The following MYO19 variants were observed in gnomAD, a reference collection of about 807,000 sequenced individuals.
MYO19 encodes the protein myosin XIX.
A neutral mutation model predicts 129.2 loss-of-function variants in MYO19; 132 were observed. The ratio of observed to expected loss-of-function variants is 1.02; its 90% CI spans 0.89 to 1.18. The LOEUF (loss-of-function observed/expected upper bound fraction) is 1.18. MYO19 is among the 50% of genes most tolerant of loss of function. The probability of loss-of-function intolerance (pLI) is 0.00; values close to 1 mark genes in which losing one functional copy is unlikely to be tolerated. For synonymous variants in MYO19, 531 were observed against 477.2 expected (o/e 1.11, Z -1.47); for missense variants, 1,210 against 1,216.7 (o/e 0.99, Z 0.08).
upstream of MYO19, chr17:36,538,237 C>A (rs1183657483): frequency 1.6e-5 from 26 of 1,613,078 alleles, no homozygotes; most frequent in Non-Finnish European, 2.2e-5. Flanking sequence ...TGGATAGTTG[C>A]TTCTAGCCTG....
intron 5 of MYO19, 47 bp downstream of exon 5, chr17:36,527,504 C>A: frequency 6.3e-7 from 1 of 1,588,702 alleles, no homozygotes; most frequent in Non-Finnish European, 8.6e-7. Context: ...AGAGGTTTAG[C>A]GGGAGGTAGA....
intron 19 of MYO19, chr17:36,505,062 A>T: frequency 1.4e-6 from 1 of 736,680 alleles, no homozygotes; most frequent in South Asian, 1.4e-5. Flanking sequence ...ACATGGCTCA[A>T]AAAAACAAGA....
chr17:36,542,374 A>G (rs1409796736), intron 1 of MYO19: 1 of 152,136 alleles, frequency 6.6e-6, no homozygotes, highest in Non-Finnish European at 1.5e-5. Context: ...GTCATTTTTA[A>G]TGTTCTTTAC....
rs2071784661 is a variant in MYO19 at position 36,505,074 on chromosome 17, G to A, written c.1905+223C>T. ...GGTACATGGCTCAAAAAAACAAGAT[G>A]CACTGGAACTTGCCTCCCTGGCTAG... On this transcript the variant is annotated intron_variant, in intron 19 of 25. Coordinates refer to ENST00000614623, the MANE Select transcript of MYO19 (RefSeq NM_001163735.2). The A allele has an allele frequency of 1.1e-5, 8 of 743,882 alleles. No individual in the cohort carries two copies. The East Asian group carries it at 2.0e-4, about 19-fold the overall frequency. 46.1% of individuals were successfully genotyped at this position (743,882 alleles called of 1,614,324 possible). A position where few individuals can be genotyped will look rare whatever the true frequency, so the allele number is the denominator to read the frequency against.
chr17:36,530,451 C>CTTTT (rs11292870), intron 3 of MYO19, among the ~76,000 whole-genome samples: 63 of 94,846 alleles, frequency 6.6e-4, no homozygotes, highest in East Asian at 3.9e-3. Flanking sequence ...CTAAAAGTGG[C>CTTTT]TTTTTTTTTT....
chr17:36,528,954 T>G (rs2073662594), intron 3 of MYO19, among the ~76,000 whole-genome samples: 1 of 152,158 alleles, frequency 6.6e-6, no homozygotes, highest in Non-Finnish European at 1.5e-5. Flanking sequence ...ACAGTTCAGC[T>G]TTTGATGTAA....
upstream of MYO19, chr17:36,537,143 C>T: frequency 6.2e-7 from 1 of 1,611,082 alleles, no homozygotes; most frequent in Non-Finnish European, 8.5e-7. Context: ...TCAGTAACCT[C>T]AATGGAACCA....
At position 36,528,198 on chromosome 17, in the gene MYO19, T is replaced by C. The variant is rs61738887; in HGVS notation, c.17A>G (p.Asn6Ser). ...GCCATCAGACCCCGGATTGTGGCCATTGACCTGGAAGAGATAACGTGAAGG... is the reference window on the plus strand; with the variant it reads ...GCCATCAGACCCCGGATTGTGGCCACTGACCTGGAAGAGATAACGTGAAGG... MLQQV[N>S]GHNPGSDGQA... The change falls in exon 4 of 26, where the codon AAT (asparagine) becomes AGT (serine). Residue 6 changes from asparagine (N) to serine (S), a missense_variant. Asn to Ser is a conservative substitution (Grantham distance 46). Coordinates refer to ENST00000614623, the MANE Select transcript of MYO19 (RefSeq NM_001163735.2). The C allele has an allele frequency of 0.042, 66,904 of 1,576,072 alleles. 1,993 individuals carry two copies. Among genetic ancestry groups the C allele is most frequent in the African/African-American group, 0.11 (7,999 of 74,124 alleles).
upstream of MYO19, chr17:36,538,123 GTTTTC>G (rs777891950): frequency 2.5e-6 from 4 of 1,614,028 alleles, no homozygotes; most frequent in Non-Finnish European, 8.5e-7. Context: ...AAAGTAGCCT[GTTTTC>G]TTTTACTGGC....
chr17:36,500,210 G>A (rs901556492), intron 23 of MYO19: 3 of 152,168 alleles, frequency 2.0e-5, no homozygotes, highest in Admixed American at 1.3e-4. Context: ...CTTAAAAGGA[G>A]GGCATCGCCC....
chr17:36,522,921 G>A (rs748984498), intron 6 of MYO19, among the ~76,000 whole-genome samples: 9 of 151,562 alleles, frequency 5.9e-5, no homozygotes, highest in Non-Finnish European at 1.2e-4. Context: ...CAGGAGAATG[G>A]TGTGAACCCG....
At position 36,500,858 on chromosome 17, in the gene MYO19, C is replaced by G. The variant is rs747684117; in HGVS notation, c.2349G>C (p.Gln783His). 1.6e-5 allele frequency: 25 copies of G among 1,604,190 alleles called. No individual in the cohort carries two copies. The highest frequency in any genetic ancestry group is 3.4e-6 in the Non-Finnish European group (4 of 1,179,108). The change falls in exon 23 of 26, where the codon CAG becomes CAC. Residue 783 changes from glutamine to histidine, a missense_variant. Transcript: ENST00000614623. Reference sequence around the variant, plus strand: ...CCTGGATGAGCATGACGGCCCGCCACTGCCGCTCCTGCTCTCGGTGCCGGT... The same window carrying G: ...CCTGGATGAGCATGACGGCCCGCCAGTGCCGCTCCTGCTCTCGGTGCCGGT... ...RRHRHREQERQWRAVMLIQAA... is the reference protein window; with the variant it reads ...RRHRHREQERHWRAVMLIQAA...
intron 6 of MYO19, among the ~76,000 whole-genome samples, chr17:36,522,028 T>TGCAAAAAAA (rs1567777190): frequency 8.7e-6 from 1 of 115,296 alleles, no homozygotes. Flanking sequence ...AGACTGTCTT[T>TGCAAAAAAA]AAAAAAAAAA....
At chr17:36,512,914 T>C in intron 11 of MYO19, 4 of 950,518 alleles carry the variant, frequency 4.2e-6, no homozygotes, top group Non-Finnish European at 5.5e-6. Context: ...GGGGCACGGG[T>C]TGGGGGAAGA....
intron 3 of MYO19, among the ~76,000 whole-genome samples, chr17:36,531,596 A>G (rs1339260845): frequency 2.6e-5 from 4 of 151,660 alleles, no homozygotes; most frequent in Non-Finnish European, 5.9e-5. Context: ...TTTTTTTAAT[A>G]AGAGAAAAAA....
At chr17:36,498,101 T>TAATCC (rs2069632029) in intron 25 of MYO19, 165 bp downstream of exon 25, 4 of 665,436 alleles carry the variant, frequency 6.0e-6, no homozygotes, top group Non-Finnish European at 9.7e-6. Flanking sequence ...ACAAAATAAA[T>TAATCC]AATCCAAACC....
intron 5 of MYO19, 131 bp from the exon 6 acceptor site, chr17:36,525,472 G>C (rs1022555800): frequency 2.2e-5 from 15 of 678,564 alleles, no homozygotes; most frequent in Non-Finnish European, 3.4e-5. Flanking sequence ...AAATTTTCTG[G>C]ATGTCACATT....
In MYO19 at chr17:36,511,457, T is replaced by C. The variant is rs773417202; in HGVS notation, c.895-2A>G. ...AAGGTGCAGCAGTCCAGCTAGGACCTGGGGGAAAGAAAAGGATGGGTGGGA... is the reference window on the plus strand; with the variant it reads ...AAGGTGCAGCAGTCCAGCTAGGACCCGGGGGAAAGAAAAGGATGGGTGGGA... On this transcript the variant is annotated splice_acceptor_variant, in intron 11 of 25. Coordinates refer to ENST00000614623, the MANE Select transcript of MYO19 (RefSeq NM_001163735.2). LOFTEE classifies it high-confidence loss of function. The C allele has an allele frequency of 1.9e-6, 3 of 1,557,602 alleles. No individual in the cohort carries two copies. Among genetic ancestry groups the C allele is most frequent in the Non-Finnish European group, 2.6e-6 (3 of 1,150,596 alleles).
At chr17:36,516,215 G>A (rs1187491975) in intron 6 of MYO19, among the ~76,000 whole-genome samples, 2 of 151,634 alleles carry the variant, frequency 1.3e-5, no homozygotes, top group Non-Finnish European at 2.9e-5. Flanking sequence ...CAGACACTGA[G>A]CTATCGAGGC....
Sources: allele counts gnomAD v4.1 joint callset (sites outside exome capture counted in the v4.1 genomes callset), GRCh38; gene constraint gnomAD v4.1.1; transcripts MANE v1.5; gene names NCBI Gene and HGNC (gene_info 2026-07-23, HGNC 2026-07-21).